PDE4D: variants seen among roughly 807,000 people sequenced by gnomAD.
PDE4D encodes the protein 3',5'-cyclic-AMP phosphodiesterase 4D.
In PDE4D, 24 loss-of-function variants were observed where a neutral mutation model predicts 87.4. That is an observed-to-expected ratio of 0.27 (90% CI 0.20 to 0.39). The LOEUF (loss-of-function observed/expected upper bound fraction) is 0.39, where lower values mean the gene tolerates loss of function less well. PDE4D is among the 10% of genes least tolerant of loss of function. PDE4D has a pLI of 1.00. For missense variants in PDE4D, 714 were observed against 1,041.0 expected, an observed-to-expected ratio of 0.69 and a Z score of 4.32; for synonymous variants, 384 against 383.2, an observed-to-expected ratio of 1.00 and a Z score of -0.02.
chr5:60,332,153 C>T (rs1443914266), intron 1 of PDE4D, among the ~76,000 whole-genome samples: 5 of 152,060 alleles, frequency 3.3e-5, no homozygotes, highest in Non-Finnish European at 7.4e-5. Context: ...GAAATTTAAG[C>T]CTAAGTCCAA....
chr5:59,763,483 C>T (rs895160798), intron 1 of PDE4D, among the ~76,000 whole-genome samples: 2 of 152,024 alleles, frequency 1.3e-5, no homozygotes, highest in Admixed American at 6.6e-5. Context: ...TATGACTAAA[C>T]AGCAACTTTT....
intron 2 of PDE4D, among the ~76,000 whole-genome samples, chr5:60,015,525 T>A (rs1765421937): frequency 6.6e-6 from 1 of 152,240 alleles, no homozygotes; most frequent in African/African-American, 2.4e-5. Flanking sequence ...TTCTTTGGGC[T>A]AAATGATGAG....
chr5:59,900,420 A>G (rs779766818), intron 3 of PDE4D, among the ~76,000 whole-genome samples: 4 of 152,246 alleles, frequency 2.6e-5, no homozygotes, highest in African/African-American at 7.2e-5. Flanking sequence ...AAGATTTACT[A>G]TAAGTGAAAA....
At chr5:59,649,758 C>G (rs909780692) in intron 1 of PDE4D, among the ~76,000 whole-genome samples, 2 of 150,424 alleles carry the variant, frequency 1.3e-5, no homozygotes, top group African/African-American at 4.9e-5. Flanking sequence ...TACCTGTCAC[C>G]GTTGCTTGGT....
At chr5:60,208,030 T>G (rs187204763) in intron 1 of PDE4D, among the ~76,000 whole-genome samples, 1 of 152,338 alleles carries the variant, frequency 6.6e-6, no homozygotes, top group Admixed American at 6.5e-5. Flanking sequence ...AAGCACCTAT[T>G]AAGTGACAGG....
chr5:59,836,295 A>G (rs1294260126), intron 1 of PDE4D, among the ~76,000 whole-genome samples: 1 of 152,018 alleles, frequency 6.6e-6, no homozygotes, highest in African/African-American at 2.4e-5. Context: ...TTCTGATATT[A>G]TTATTTTCCT....
chr5:60,391,141 G>A (rs1264217440), intron 1 of PDE4D, among the ~76,000 whole-genome samples: 1 of 151,890 alleles, frequency 6.6e-6, no homozygotes, highest in African/African-American at 2.4e-5. Context: ...TTTATGTCTT[G>A]TTTACTGTTT....
chr5:59,525,808 G>A (rs535447125), intron 1 of PDE4D, among the ~76,000 whole-genome samples: 1 of 152,126 alleles, frequency 6.6e-6, no homozygotes, highest in African/African-American at 2.4e-5. Flanking sequence ...TTCTATAAGG[G>A]GCTTTTTCCC....
At chr5:59,163,275 CTTTT>C (rs78168130) in intron 5 of PDE4D, among the ~76,000 whole-genome samples, 32 of 135,702 alleles carry the variant, frequency 2.4e-4, no homozygotes, top group Admixed American at 2.9e-4. Flanking sequence ...AATGAACAAT[CTTTT>C]TTTTTTTTTT....
At chr5:59,596,648 C>G (rs893386982) in intron 1 of PDE4D, among the ~76,000 whole-genome samples, 1 of 152,072 alleles carries the variant, frequency 6.6e-6, no homozygotes, top group African/African-American at 2.4e-5. Context: ...AAATGAGTCT[C>G]TATACCAAAC....
intron 1 of PDE4D, among the ~76,000 whole-genome samples, chr5:60,381,213 T>G (rs1761833338): frequency 1.3e-5 from 2 of 152,164 alleles, no homozygotes; most frequent in Admixed American, 1.3e-4. Context: ...CTGAGGTAAG[T>G]CATACAGGTG....
chr5:59,526,693 G>A (rs1297550291), intron 1 of PDE4D, among the ~76,000 whole-genome samples: 2 of 152,090 alleles, frequency 1.3e-5, no homozygotes, highest in African/African-American at 2.4e-5. Flanking sequence ...GCGTGATCTC[G>A]GCTCACAGCA....
chr5:59,034,394 T>G (rs193215541), intron 6 of PDE4D, among the ~76,000 whole-genome samples: 2 of 152,208 alleles, frequency 1.3e-5, no homozygotes, highest in Admixed American at 1.3e-4. Context: ...CCAATTAACT[T>G]AGTTTCCTTC....
chr5:59,274,180 T>G (rs1764369936), intron 1 of PDE4D, among the ~76,000 whole-genome samples: 1 of 152,174 alleles, frequency 6.6e-6, no homozygotes, highest in Admixed American at 6.6e-5. Flanking sequence ...TGCAATCTTT[T>G]CTTTAAATAA....
chr5:59,151,885 A>G (rs1441374793), intron 5 of PDE4D, among the ~76,000 whole-genome samples: 1 of 152,164 alleles, frequency 6.6e-6, no homozygotes, highest in Non-Finnish European at 1.5e-5. Flanking sequence ...AATGGGAAAC[A>G]AGACAAATAA....
intron 1 of PDE4D, among the ~76,000 whole-genome samples, chr5:60,229,356 A>C (rs1313973596): frequency 6.6e-6 from 1 of 152,158 alleles, no homozygotes; most frequent in Admixed American, 6.5e-5. Flanking sequence ...TTCCTCTCAC[A>C]AGGTTAACAT....
intron 1 of PDE4D, among the ~76,000 whole-genome samples, chr5:59,588,006 G>A (rs59251159): frequency 0.09 from 13,608 of 151,994 alleles, 713 homozygotes; most frequent in Admixed American, 0.14. Flanking sequence ...TAAAAAAAAA[G>A]CACCGGGGTG....
intron 6 of PDE4D, among the ~76,000 whole-genome samples, chr5:59,017,650 T>C (rs931503289): frequency 5.9e-4 from 67 of 113,780 alleles, no homozygotes; most frequent in African/African-American, 2.1e-3. Context: ...ATAGACTACA[T>C]CCATCAAAAT....
At chr5:59,673,166 CT>C (rs1474180105) in intron 1 of PDE4D, among the ~76,000 whole-genome samples, 1 of 152,084 alleles carries the variant, frequency 6.6e-6, no homozygotes, top group African/African-American at 2.4e-5. Flanking sequence ...TCTGACAATC[CT>C]TTTTTTGATG....
Sources: gnomAD v4.1 joint callset for allele counts (sites outside exome capture counted in the v4.1 genomes callset) on GRCh38, gnomAD v4.1.1 for gene constraint, MANE v1.5 for transcripts, NCBI Gene and HGNC (gene_info 2026-07-23, HGNC 2026-07-21) for gene names.